Variants in CDK15 observed in about 807,000 individuals in gnomAD.
The protein encoded by CDK15 is cyclin dependent kinase 15, also known as cyclin-dependent kinase 15.
In CDK15, 62 loss-of-function variants were observed where a neutral mutation model predicts 60.3. The observed-to-expected ratio is 1.03, with a 90% CI of 0.84 to 1.27. The LOEUF (loss-of-function observed/expected upper bound fraction) is 1.27, where lower values mean the gene tolerates loss of function less well. CDK15 is among the 50% of genes most tolerant of loss of function. The pLI, the probability that CDK15 is intolerant of heterozygous loss-of-function variation, is 0.00. For synonymous variants in CDK15, 194 were observed against 195.7 expected, an observed-to-expected ratio of 0.99 and a Z score of 0.07; for missense variants, 541 against 527.8, an observed-to-expected ratio of 1.03 and a Z score of -0.25.
intron 3 of CDK15, among the ~76,000 whole-genome samples, chr2:201,809,149 C>T (rs1695641851): frequency 6.6e-6 from 1 of 152,040 alleles, no homozygotes; most frequent in Non-Finnish European, 1.5e-5. Context: ...TTCTAAGCTT[C>T]CTCATATCAA....
chr2:201,854,790 A>T, intron 9 of CDK15, 84 bp from the exon 10 acceptor site: 1 of 1,146,636 alleles, frequency 8.7e-7, no homozygotes, highest in Non-Finnish European at 1.3e-6. Flanking sequence ...TTCTTCCCTG[A>T]TTTGTCCTGC....
At position 201,836,185 on chromosome 2, in the gene CDK15, ATTTT is replaced by A. The variant is rs1321241287; in HGVS notation, c.851+426_851+429del. Among the ~76,000 whole-genome samples the A allele has an allele frequency of 1.7e-4, 13 of 78,564 alleles. 1 individual carries two copies. The highest frequency in any genetic ancestry group is 3.5e-4 in the Non-Finnish European group (13 of 37,164). The allele number at this position is 78,564 out of a possible 152,430, so 51.5% of individuals were successfully genotyped here. A position where few individuals can be genotyped will look rare whatever the true frequency, so the allele number is the denominator to read the frequency against. On this transcript the variant is annotated intron_variant, in intron 8 of 13. Transcript: ENST00000652192. ...ATTTATATATTTATATATTATATAT[ATTTT>A]TTTATATATATATATATGTATTTTT... is the stretch of plus-strand genomic sequence containing the variant.
At position 201,864,697 on chromosome 2, in the gene CDK15, G is replaced by C. The variant is rs75562051; in HGVS notation, c.1010-7581G>C. Among the ~76,000 whole-genome samples, 11 of 152,286 alleles carry C rather than the reference G, an allele frequency of 7.2e-5. No individual in the cohort carries two copies. In the East Asian group the frequency reaches 2.1e-3, roughly 29 times the overall value. On this transcript the variant is annotated intron_variant, in intron 10 of 13. Transcript: ENST00000652192. ...ATTACAGGCATGAGCCACTGTGCCC[G>C]GCCACCCCTGCTATTTTATTCAAAG...
intron 10 of CDK15, among the ~76,000 whole-genome samples, chr2:201,870,651 G>A (rs944352075): frequency 1.3e-5 from 2 of 152,090 alleles, no homozygotes; most frequent in South Asian, 4.1e-4. Context: ...ATCACTTGAG[G>A]CCAGGAGTTC....
intron 4 of CDK15, among the ~76,000 whole-genome samples, chr2:201,821,376 G>A (rs1696212552): frequency 6.6e-6 from 1 of 151,968 alleles, no homozygotes; most frequent in Non-Finnish European, 1.5e-5. Flanking sequence ...GTTTTTCCAG[G>A]GGAAAATAGA....
At chr2:201,888,033 C>CT (rs80136808) in intron 12 of CDK15, among the ~76,000 whole-genome samples, 2,421 of 126,404 alleles carry the variant, frequency 0.019, 62 homozygotes, top group African/African-American at 0.056. Flanking sequence ...AATTTTCAAC[C>CT]TTTTTTTTTT....
chr2:201,886,270 ATTTTCTTTTC>A (rs1054212870), intron 12 of CDK15, among the ~76,000 whole-genome samples: 3 of 150,464 alleles, frequency 2.0e-5, no homozygotes, highest in Non-Finnish European at 3.0e-5. Context: ...ACTTTAGTTT[ATTTTCTTTTC>A]TTTTCTTTTC....
At chr2:201,836,127 T>A (rs1446090336) in intron 8 of CDK15, among the ~76,000 whole-genome samples, 33 of 61,636 alleles carry the variant, frequency 5.4e-4, no homozygotes, top group South Asian at 3.6e-3. Context: ...TATTATATAT[T>A]TTATATATTT....
Position 201,842,342 on chromosome 2 carries a change from C to T in CDK15, c.852-5039C>T, listed in dbSNP as rs529523179. ...TTTTCCAGAAGCATTTATTTCAGTA[C>T]ACAAGGTCATCTATTCAGTATCAGT... On this transcript the variant is annotated intron_variant, in intron 8 of 13. Coordinates refer to ENST00000652192, the MANE Select transcript of CDK15 (RefSeq NM_001366386.2). 1.2e-4 allele frequency among the ~76,000 whole-genome samples: 18 copies of T among 152,278 alleles called. No homozygotes were observed. In the South Asian group the frequency reaches 3.5e-3, roughly 30 times the overall value.
chr2:201,871,622 A>G (rs1022754983), intron 10 of CDK15, among the ~76,000 whole-genome samples: 13 of 152,202 alleles, frequency 8.5e-5, no homozygotes, highest in Non-Finnish European at 8.8e-5. Context: ...CATGCTCTGC[A>G]CACAGTGTAT....
intron 10 of CDK15, chr2:201,860,822 T>C (rs922791760): frequency 7.4e-7 from 1 of 1,352,062 alleles, no homozygotes; most frequent in Non-Finnish European, 9.8e-7. Flanking sequence ...TCTAGGAATG[T>C]CTCATTTTGA....
In CDK15 at chr2:201,806,785, A is replaced by G. The variant is rs536756372; in HGVS notation, c.121A>G (p.Lys41Glu). The change falls in exon 1 of 14, where the codon AAG becomes GAG. Residue 41 changes from lysine to glutamate, a missense_variant and splice_region_variant. By Grantham distance (56) the Lys-to-Glu change is moderately conservative. Coordinates refer to ENST00000652192, the MANE Select transcript of CDK15 (RefSeq NM_001366386.2). ...GCCTGAGACCACGGAGGCTGCGTTC[A>G]AGGTATTTGTATCCCAGGAGAGAGC... Reference protein sequence around the residue: ...SQPETTEAAFKLTDLKEASCS... With the variant: ...SQPETTEAAFELTDLKEASCS... 3.2e-5 allele frequency: 51 copies of G among 1,598,430 alleles called. No homozygotes were observed. In the South Asian group the frequency reaches 5.2e-4, roughly 16 times the overall value.
chr2:201,876,451 C>A, intron 11 of CDK15: 2 of 521,702 alleles, frequency 3.8e-6, no homozygotes, highest in Non-Finnish European at 3.4e-6. Context: ...ACCAGTGCTG[C>A]CAGTGAAGGT....
chr2:201,807,115 G>A (rs891695890), intron 1 of CDK15, among the ~76,000 whole-genome samples: 1 of 152,056 alleles, frequency 6.6e-6, no homozygotes, highest in Admixed American at 6.5e-5. Context: ...GGTATGCTAT[G>A]GATTTGAAAC....
rs1055677603 is a variant in CDK15 at position 201,854,664 on chromosome 2, A to G, written c.946-210A>G. ...TCAGTAAGAATGCAGGCCCCGGACC[A>G]TAGGAATGTATTACAGTTTTGCCCA... On this transcript the variant is annotated intron_variant, in intron 9 of 13. Transcript: ENST00000652192. 5.3e-6 allele frequency: 3 copies of G among 561,202 alleles called. No individual in the cohort carries two copies. In the African/African-American group the frequency reaches 5.6e-5, roughly 11 times the overall value. The allele number at this position is 561,202 out of a possible 1,614,324, so 34.8% of individuals were successfully genotyped here.
intron 11 of CDK15, among the ~76,000 whole-genome samples, chr2:201,874,148 A>G (rs1398744845): frequency 6.6e-6 from 1 of 152,052 alleles, no homozygotes; most frequent in African/African-American, 2.4e-5. Flanking sequence ...CATTAGCCAC[A>G]TGTGGCTATT....
intron 11 of CDK15, 137 bp from the exon 12 acceptor site, chr2:201,879,891 A>G: frequency 8.4e-7 from 1 of 1,189,904 alleles, no homozygotes; most frequent in Non-Finnish European, 1.1e-6. Context: ...GTTGCCATCA[A>G]CTTTAGCAAT....
chr2:201,885,051 G>A (rs1308794434), intron 12 of CDK15, among the ~76,000 whole-genome samples: 1 of 152,080 alleles, frequency 6.6e-6, no homozygotes, highest in Admixed American at 6.5e-5. Flanking sequence ...GGAGAGGAAG[G>A]GCATACGGGC....
chr2:201,848,354 T>G (rs1697761187), intron 9 of CDK15, among the ~76,000 whole-genome samples: 1 of 152,170 alleles, frequency 6.6e-6, no homozygotes, highest in African/African-American at 2.4e-5. Flanking sequence ...ATCTGTATAT[T>G]TCCTTTTTTG....
Sources: allele counts gnomAD v4.1 joint callset (sites outside exome capture counted in the v4.1 genomes callset), GRCh38; gene constraint gnomAD v4.1.1; transcripts MANE v1.5; gene names NCBI Gene and HGNC (gene_info 2026-07-23, HGNC 2026-07-21).